The following DIP2C variants were observed in gnomAD, a reference collection of about 807,000 sequenced individuals.
The protein encoded by DIP2C is DIP2 acetate--CoA ligase C (putative), also known as disco-interacting protein 2 homolog C.
DIP2C carries 33 observed loss-of-function variants against 192.4 expected under a neutral mutation model. That is an observed-to-expected ratio of 0.17 (90% CI 0.13 to 0.23). The LOEUF is 0.23. DIP2C is among the 10% of genes least tolerant of loss of function. The probability of loss-of-function intolerance (pLI) is 1.00; values close to 1 mark genes in which losing one functional copy is unlikely to be tolerated. For synonymous variants in DIP2C, 979 were observed against 864.1 expected (o/e 1.13, Z -2.33); for missense variants, 1,537 against 2,110.1 (o/e 0.73, Z 5.32).
At chr10:394,910 G>C (rs976081681) in intron 10 of DIP2C, among the ~76,000 whole-genome samples, 1 of 151,772 alleles carries the variant, frequency 6.6e-6, no homozygotes, top group Non-Finnish European at 1.5e-5. Context: ...GTGACCGTAT[G>C]CTGAACAGGA....
At chr10:377,435 A>T (rs1234322047) in intron 17 of DIP2C, among the ~76,000 whole-genome samples, 2 of 152,214 alleles carry the variant, frequency 1.3e-5, no homozygotes, top group East Asian at 3.8e-4. Context: ...TTAAACAGGA[A>T]ACTTGGTTTG....
At chr10:516,013 G>A (rs1207666248) in intron 1 of DIP2C, among the ~76,000 whole-genome samples, 3 of 151,460 alleles carry the variant, frequency 2.0e-5, no homozygotes, top group Non-Finnish European at 2.9e-5. Context: ...CCTTGCTTTC[G>A]GGGTGAAGGG....
chr10:617,449 T>G (rs1479333886), intron 1 of DIP2C, among the ~76,000 whole-genome samples: 1 of 152,180 alleles, frequency 6.6e-6, no homozygotes, highest in East Asian at 1.9e-4. Context: ...TATCACGGCA[T>G]CCAGCACACG....
At chr10:419,888 G>A (rs938672917) in intron 5 of DIP2C, among the ~76,000 whole-genome samples, 1 of 152,250 alleles carries the variant, frequency 6.6e-6, no homozygotes, top group African/African-American at 2.4e-5. Flanking sequence ...AGCACCCCCT[G>A]GAGATAAAGT....
chr10:413,684 G>A (rs991642642), intron 8 of DIP2C, among the ~76,000 whole-genome samples: 2 of 152,182 alleles, frequency 1.3e-5, no homozygotes, highest in African/African-American at 2.4e-5. Flanking sequence ...CTGCGCGAGG[G>A]GGTGGGCAAA....
chr10:592,039 C>A (rs1405061439), intron 1 of DIP2C, among the ~76,000 whole-genome samples: 1 of 152,188 alleles, frequency 6.6e-6, no homozygotes, highest in East Asian at 1.9e-4. Flanking sequence ...AGTGGTAGGG[C>A]ATGAGGGAGA....
intron 1 of DIP2C, among the ~76,000 whole-genome samples, chr10:501,782 G>T (rs1201264672): frequency 6.6e-6 from 1 of 152,090 alleles, no homozygotes; most frequent in African/African-American, 2.4e-5. Context: ...ACCGACCACA[G>T]GCCAGGCACT....
At chr10:472,092 A>G (rs1356286895) in intron 3 of DIP2C, among the ~76,000 whole-genome samples, 9 of 152,208 alleles carry the variant, frequency 5.9e-5, no homozygotes, top group Non-Finnish European at 1.2e-4. Context: ...AGACCTAGAA[A>G]ACAAATCACT....
intron 1 of DIP2C, among the ~76,000 whole-genome samples, chr10:543,035 C>G (rs1233329871): frequency 6.6e-6 from 1 of 152,188 alleles, no homozygotes; most frequent in Non-Finnish European, 1.5e-5. Flanking sequence ...GACACCAATA[C>G]CAAAAGTCAG....
intron 1 of DIP2C, among the ~76,000 whole-genome samples, chr10:488,622 A>G (rs964217257): frequency 3.3e-5 from 5 of 152,036 alleles, no homozygotes; most frequent in Admixed American, 1.3e-4. Flanking sequence ...TCCTGACTCC[A>G]TAACCTGCCT....
At chr10:317,377 G>C (rs1303980185) in intron 31 of DIP2C, among the ~76,000 whole-genome samples, 1 of 152,222 alleles carries the variant, frequency 6.6e-6, no homozygotes, top group East Asian at 1.9e-4. Flanking sequence ...TGGCACAGCA[G>C]AGCTGAGTAG....
At chr10:487,751 G>A (rs760811244) in intron 1 of DIP2C, among the ~76,000 whole-genome samples, 1 of 151,768 alleles carries the variant, frequency 6.6e-6, no homozygotes, top group Non-Finnish European at 1.5e-5. Context: ...CTAATTTTTT[G>A]TATTTTTAGT....
At chr10:305,066 C>T (rs1051562155) in intron 32 of DIP2C, among the ~76,000 whole-genome samples, 1 of 146,724 alleles carries the variant, frequency 6.8e-6, no homozygotes, top group African/African-American at 2.8e-5. Context: ...ACACTACACT[C>T]ATGCACATGC....
chr10:583,215 A>G (rs1386952582), intron 1 of DIP2C, among the ~76,000 whole-genome samples: 2 of 151,764 alleles, frequency 1.3e-5, no homozygotes, highest in Admixed American at 1.3e-4. Flanking sequence ...CTGCAAACGC[A>G]GTTTTCTTCT....
intron 1 of DIP2C, among the ~76,000 whole-genome samples, chr10:639,683 C>T (rs186505780): frequency 6.6e-6 from 1 of 152,348 alleles, no homozygotes; most frequent in East Asian, 1.9e-4. Flanking sequence ...TCTCATTGCA[C>T]TGAATAGTTT....
rs1965876716 is a variant in DIP2C, at chr10:418,014, G to GTCCACCTGCACCTGTCAGGGCTTC, written c.739+1050_739+1051insGAAGCCCTGACAGGTGCAGGTGGA. Among the ~76,000 whole-genome samples, 6 of 50,170 alleles carry GTCCACCTGCACCTGTCAGGGCTTC rather than the reference G, an allele frequency of 1.2e-4. 2 individuals carry two copies. The highest frequency in any genetic ancestry group is 8.6e-4 in the South Asian group (1 of 1,160). The allele number at this position is 50,170 out of a possible 152,430, so 32.9% of individuals were successfully genotyped here. A position where few individuals can be genotyped will look rare whatever the true frequency, so the allele number is the denominator to read the frequency against. On this transcript the variant is annotated intron_variant, in intron 6 of 36. Transcript: ENST00000280886. Reference sequence around the variant, plus strand: ...TGTCCACCTGCACCTGTCAGGGCGCGGACAGGCCTCCCTGTCCACCTGTTC... The same window carrying GTCCACCTGCACCTGTCAGGGCTTC: ...TGTCCACCTGCACCTGTCAGGGCGCGTCCACCTGCACCTGTCAGGGCTTCGACAGGCCTCCCTGTCCACCTGTTC...
intron 1 of DIP2C, among the ~76,000 whole-genome samples, chr10:597,788 G>A (rs1342773753): frequency 2.6e-5 from 4 of 152,084 alleles, no homozygotes; most frequent in Non-Finnish European, 2.9e-5. Flanking sequence ...TAACGTCACT[G>A]GCCACAGCTG....
At chr10:479,129 T>C (rs1468357759) in intron 2 of DIP2C, among the ~76,000 whole-genome samples, 1 of 152,218 alleles carries the variant, frequency 6.6e-6, no homozygotes, top group African/African-American at 2.4e-5. Flanking sequence ...CTCAATTACA[T>C]GCTCTTGTTC....
chr10:432,245 T>G (rs12355543), intron 4 of DIP2C, among the ~76,000 whole-genome samples: 6,043 of 152,306 alleles, frequency 0.04, 181 homozygotes, highest in Non-Finnish European at 0.062. Context: ...TTTTATGTTC[T>G]GAAAGAGATT....
Sources: gnomAD v4.1 joint callset for allele counts (sites outside exome capture counted in the v4.1 genomes callset) on GRCh38, gnomAD v4.1.1 for gene constraint, MANE v1.5 for transcripts, NCBI Gene and HGNC (gene_info 2026-07-23, HGNC 2026-07-21) for gene names.